The following SLC17A1 variants were observed in gnomAD, a reference collection of about 807,000 sequenced individuals.
SLC17A1 encodes the protein sodium-dependent phosphate transport protein 1.
In SLC17A1, 51 loss-of-function variants were observed where a neutral mutation model predicts 53.5. The observed-to-expected ratio is 0.95, with a 90% confidence interval of 0.76 to 1.20. SLC17A1 has a LOEUF of 1.20. Among genes scored for constraint, SLC17A1 ranks in the 50% most tolerant of loss-of-function variants. SLC17A1 has a pLI of 0.00. For missense variants in SLC17A1, 538 were observed against 568.2 expected (o/e 0.95, Z 0.54); for synonymous variants, 179 against 198.8 (o/e 0.90, Z 0.84).
At chr6:25,758,083 C>T in the SLC17A1 span, among the ~76,000 whole-genome samples, 1 of 152,198 alleles carries the variant, frequency 6.6e-6, no homozygotes, top group Admixed American at 6.5e-5. Flanking sequence ...TAGACCTTTG[C>T]TGTGCTCTGC....
chr6:25,783,687 T>G (rs1763316606), intron 12 of SLC17A1, among the ~76,000 whole-genome samples: 1 of 152,178 alleles, frequency 6.6e-6, no homozygotes, highest in African/African-American at 2.4e-5. Context: ...ACAGCGATAA[T>G]AAGACATACC....
chr6:25,754,241 A>G, the SLC17A1 span, among the ~76,000 whole-genome samples: 1 of 152,220 alleles, frequency 6.6e-6, no homozygotes, highest in Admixed American at 6.5e-5. Flanking sequence ...GAGGAGAATC[A>G]CAGAGTTAAT....
chr6:25,730,131 C>T, the SLC17A1 span, among the ~76,000 whole-genome samples: 1 of 152,000 alleles, frequency 6.6e-6, no homozygotes, highest in African/African-American at 2.4e-5. Context: ...ATAGAACTAC[C>T]ATATAATCCA....
At position 25,830,545 on chromosome 6, in the gene SLC17A1, T is replaced by A. The variant is rs770412407; in HGVS notation, c.13A>T (p.Asn5Tyr). 8.7e-6 allele frequency: 14 copies of A among 1,613,932 alleles called. No individual in the cohort carries two copies. Among genetic ancestry groups the A allele is most frequent in the Non-Finnish European group, 1.0e-5 (12 of 1,179,830 alleles). Residue 5 changes from asparagine (N) to tyrosine (Y), a missense_variant, in exon 2 of 13, where the codon AAC becomes TAC. Physicochemically the swap from Asn to Tyr is moderately radical, Grantham distance 143. Transcript: ENST00000244527. ...CTACCTTTTTTGGGAGGCAACCGGT[T>A]ATCCATTTGCATACACGGCTGAAGT... MQMD[N>Y]RLPPKKVPGF...
chr6:25,831,482 C>A (rs751834200), intron 1 of SLC17A1, among the ~76,000 whole-genome samples: 1 of 152,144 alleles, frequency 6.6e-6, no homozygotes, highest in African/African-American at 2.4e-5. Flanking sequence ...AATGCACACA[C>A]AAACCACCCA....
chr6:25,795,575 T>C (rs976684542), intron 12 of SLC17A1, among the ~76,000 whole-genome samples: 31 of 152,038 alleles, frequency 2.0e-4, no homozygotes, highest in African/African-American at 7.2e-4. Context: ...TTAATGACAA[T>C]AACTGCAGTT....
intron 6 of SLC17A1, among the ~76,000 whole-genome samples, chr6:25,815,697 T>G (rs1477613463): frequency 6.6e-6 from 1 of 152,130 alleles, no homozygotes; most frequent in Non-Finnish European, 1.5e-5. Context: ...AACTTTCATC[T>G]CTAGGGCGTG....
chr6:25,813,314 C>T lies in SLC17A1; in HGVS notation c.617-101G>A. ...TGTATCAGTCTGAGAAACTGGACCT[C>T]CTCTTTCTTTTTTGAAACTTTTCAA... On this transcript the variant is annotated intron_variant, in intron 6 of 12. Transcript: ENST00000244527. 3 of 946,968 alleles carry T rather than the reference C, an allele frequency of 3.2e-6. No individual in the cohort carries two copies. The South Asian group carries it at 4.4e-5, about 14-fold the overall frequency. The allele number at this position is 946,968 out of a possible 1,614,324, so 58.7% of individuals were successfully genotyped here.
chr6:25,800,814 G>C (rs1763734580), intron 11 of SLC17A1, 76 bp downstream of exon 11: 1 of 932,372 alleles, frequency 1.1e-6, no homozygotes, highest in Non-Finnish European at 1.7e-6. Context: ...CATCTTCTCT[G>C]CAATTTTTCA....
chr6:25,771,232 A>G, the SLC17A1 span, among the ~76,000 whole-genome samples: 20 of 152,158 alleles, frequency 1.3e-4, no homozygotes, highest in Non-Finnish European at 2.5e-4. Flanking sequence ...ACTGCTTCTA[A>G]ATTTGACCTA....
At chr6:25,826,312 T>G in intron 3 of SLC17A1, 149 bp downstream of exon 3, 1 of 498,126 alleles carries the variant, frequency 2.0e-6, no homozygotes, top group Non-Finnish European at 3.4e-6. Flanking sequence ...TCATGGGACA[T>G]TTTATTTAGG....
At chr6:25,743,439 T>C in the SLC17A1 span, among the ~76,000 whole-genome samples, 7 of 152,164 alleles carry the variant, frequency 4.6e-5, no homozygotes, top group Admixed American at 3.9e-4. Flanking sequence ...AAAAACTTTC[T>C]AGGTTTTATA....
At chr6:25,773,111 G>C in the SLC17A1 span, among the ~76,000 whole-genome samples, 3 of 152,222 alleles carry the variant, frequency 2.0e-5, no homozygotes, top group Non-Finnish European at 4.4e-5. Context: ...AAAGTCAAGT[G>C]GTGAGGAAGT....
the SLC17A1 span, chr6:25,726,847 C>G: frequency 1.9e-6 from 3 of 1,542,868 alleles, no homozygotes; most frequent in Non-Finnish European, 2.6e-6. Flanking sequence ...CTGTTGAGCA[C>G]TGGAAAGTGC....
the SLC17A1 span, chr6:25,770,997 G>C: frequency 1.9e-6 from 3 of 1,613,570 alleles, no homozygotes; most frequent in Non-Finnish European, 2.5e-6. Context: ...ATGGCCTTAC[G>C]TCTTCTATAT....
the SLC17A1 span, among the ~76,000 whole-genome samples, chr6:25,731,114 A>G: frequency 0.27 from 41,486 of 152,218 alleles, 6,863 homozygotes; most frequent in East Asian, 0.7. Flanking sequence ...GCTAAGCAAC[A>G]TAAGAACTGT....
chr6:25,729,132 T>A, the SLC17A1 span, among the ~76,000 whole-genome samples: 2 of 152,234 alleles, frequency 1.3e-5, no homozygotes, highest in African/African-American at 4.8e-5. Flanking sequence ...CTTTTAGGCT[T>A]ATTTGGGCAA....
chr6:25,777,851 C>T, the SLC17A1 span: 6 of 1,218,948 alleles, frequency 4.9e-6, no homozygotes, highest in South Asian at 3.7e-5. Context: ...GAATATTTGC[C>T]TCCCTCTCCC....
At chr6:25,804,912 GAT>G (rs1157823871) in intron 10 of SLC17A1, among the ~76,000 whole-genome samples, 1 of 152,072 alleles carries the variant, frequency 6.6e-6, no homozygotes, top group African/African-American at 2.4e-5. Flanking sequence ...TAAGAAATGA[GAT>G]AGACAGCAAC....
Sources: gnomAD v4.1 joint callset for allele counts (sites outside exome capture counted in the v4.1 genomes callset) on GRCh38, gnomAD v4.1.1 for gene constraint, MANE v1.5 for transcripts, NCBI Gene and HGNC (gene_info 2026-07-23, HGNC 2026-07-21) for gene names.